PLAGL1: variants seen among roughly 807,000 people sequenced by gnomAD.
PLAGL1 encodes PLAG1 like zinc finger 1.
In PLAGL1, 1 loss-of-function variant was observed where a neutral mutation model predicts 4.6. That is an observed-to-expected ratio of 0.22 (90% confidence interval 0.08 to 1.03). PLAGL1 has a LOEUF of 1.03. PLAGL1 is among the 50% of genes least tolerant of loss of function. PLAGL1 has a pLI of 0.58. For missense variants in PLAGL1, 464 were observed against 570.4 expected, an observed-to-expected ratio of 0.81 and a Z score of 1.90; for synonymous variants, 240 against 237.8, an observed-to-expected ratio of 1.01 and a Z score of -0.08.
At chr6:144,042,739 C>T in intron 1 of PLAGL1, among the ~76,000 whole-genome samples, 1 of 152,156 alleles carries the variant, frequency 6.6e-6, no homozygotes, top group Non-Finnish European at 1.5e-5. Flanking sequence ...ATGCGGATGG[C>T]ATTGAATCTA....
chr6:144,060,313 T>G (rs10457756), intron 1 of PLAGL1, among the ~76,000 whole-genome samples: 46,941 of 152,098 alleles, frequency 0.31, 7,445 homozygotes, highest in Admixed American at 0.42. Context: ...CCTCCCAAAG[T>G]GCTGGGATTA....
chr6:144,018,415 G>T (rs1795719034), intron 1 of PLAGL1, among the ~76,000 whole-genome samples: 1 of 152,146 alleles, frequency 6.6e-6, no homozygotes, highest in Non-Finnish European at 1.5e-5. Flanking sequence ...TTGGTCAAAG[G>T]ACACAAAGTT....
rs1360279355 is a variant in PLAGL1, at chr6:144,016,190, T to C, written c.-150-47212A>G. Among the ~76,000 whole-genome samples, 4 of 152,168 alleles carry C rather than the reference T, an allele frequency of 2.6e-5. No homozygotes were observed. The highest frequency in any genetic ancestry group is 2.0e-4 in the Admixed American group (3 of 15,278). The stretch of plus-strand genomic sequence containing the variant: ...ATGATCACAAGGTCCCACAATAGGC[T>C]GTCTGCAAGCTGAGGAGAAAGGAGA... On this transcript the variant is annotated intron_variant, in intron 1 of 3. Transcript: ENST00000437412. This position sits in a 1 kb window ranked among gnomAD's most constrained non-coding sequence, Gnocchi z 4.2.
At chr6:144,040,767 G>A (rs1243057241) in intron 1 of PLAGL1, among the ~76,000 whole-genome samples, 1 of 152,148 alleles carries the variant, frequency 6.6e-6, no homozygotes, top group Non-Finnish European at 1.5e-5. Flanking sequence ...CAGCTACTTG[G>A]GAGGCTGAGA....
chr6:144,010,426 A>C (rs902597256), upstream of PLAGL1, among the ~76,000 whole-genome samples: 9 of 152,220 alleles, frequency 5.9e-5, no homozygotes, highest in Non-Finnish European at 1.2e-4. This position sits in a 1 kb window ranked among gnomAD's most constrained non-coding sequence, Gnocchi z 4.1. Flanking sequence ...AAGGAGAACT[A>C]CAAACCACTG....
In PLAGL1 at chr6:143,990,464, G is replaced by A. The variant is rs1562511552; in HGVS notation, c.-583-5290C>T. ...GAACAAAACCTTCATTGACCTCCTG[G>A]TCCCACTATACTCCCACCCTTTCTC... On this transcript the variant is annotated intron_variant, in intron 1 of 7. Coordinates refer to ENST00000674357, the MANE Select transcript of PLAGL1 (RefSeq NM_001317162.2). The surrounding 1 kb of genome is among the most constrained non-coding windows in gnomAD (Gnocchi z 5.4). 6.6e-6 allele frequency among the ~76,000 whole-genome samples: 1 copy of A among 152,020 alleles called. No individual in the cohort carries two copies. The highest frequency in any genetic ancestry group is 2.1e-4 in the South Asian group (1 of 4,812).
chr6:143,971,490 C>A lies in PLAGL1; in HGVS notation c.-543-2512G>T, dbSNP rs1332835556. Among the ~76,000 whole-genome samples the A allele has an allele frequency of 6.6e-6, 1 of 152,130 alleles. No homozygotes were observed. Among genetic ancestry groups the A allele is most frequent in the Non-Finnish European group, 1.5e-5 (1 of 68,020 alleles). On this transcript the variant is annotated intron_variant, in intron 2 of 7. Coordinates refer to ENST00000674357, the MANE Select transcript of PLAGL1 (RefSeq NM_001317162.2). This position sits in a 1 kb window ranked among gnomAD's most constrained non-coding sequence, Gnocchi z 4.7. ...ATTATGATTTTAAGATGTTATTTTC[C>A]CAATAAATGTTGACAACAATTTCCC...
At chr6:143,946,851 CGT>C (rs1266781649) in intron 7 of PLAGL1, among the ~76,000 whole-genome samples, 1 of 152,176 alleles carries the variant, frequency 6.6e-6, no homozygotes, top group Admixed American at 6.5e-5. Context: ...AAAAGCAGCA[CGT>C]GTGAGTGGAC....
In PLAGL1 at chr6:143,982,160, T is replaced by C. The variant is rs1788097620; in HGVS notation, c.-544+2975A>G. On this transcript the variant is annotated intron_variant, in intron 2 of 7. Transcript: ENST00000674357. The surrounding 1 kb of genome is among the most constrained non-coding windows in gnomAD (Gnocchi z 5.3). ...AGTAAAATATGTATCAGATGGTGAT[T>C]TTAAAAAAAAAAGTAATGAAGAGAC... 6.6e-6 allele frequency among the ~76,000 whole-genome samples: 1 copy of C among 152,004 alleles called. No homozygotes were observed. Among genetic ancestry groups the C allele is most frequent in the African/African-American group, 2.4e-5 (1 of 41,358 alleles).
At position 143,979,300 on chromosome 6, in the gene PLAGL1, A is replaced by T. The variant is rs1213049369; in HGVS notation, c.-544+5835T>A. 6.6e-6 allele frequency among the ~76,000 whole-genome samples: 1 copy of T among 152,070 alleles called. No individual in the cohort carries two copies. Among genetic ancestry groups the T allele is most frequent in the Non-Finnish European group, 1.5e-5 (1 of 67,956 alleles). On this transcript the variant is annotated intron_variant, in intron 2 of 7. Coordinates refer to ENST00000674357, the MANE Select transcript of PLAGL1 (RefSeq NM_001317162.2). This position sits in a 1 kb window ranked among gnomAD's most constrained non-coding sequence, Gnocchi z 4.6. The stretch of plus-strand genomic sequence containing the variant: ...TCAGACTGGCCAATATGTGTATTAA[A>T]TCTGACATTCTTTGCCTTTTAATTA...
At position 143,959,413 on chromosome 6, in the gene PLAGL1, G is replaced by A. The variant is rs1222200371; in HGVS notation, c.-325+1056C>T. Among the ~76,000 whole-genome samples the A allele has an allele frequency of 6.6e-6, 1 of 152,068 alleles. No homozygotes were observed. Among genetic ancestry groups the A allele is most frequent in the Non-Finnish European group, 1.5e-5 (1 of 68,026 alleles). On this transcript the variant is annotated intron_variant, in intron 6 of 7. Coordinates refer to ENST00000674357, the MANE Select transcript of PLAGL1 (RefSeq NM_001317162.2). The surrounding 1 kb of genome is among the most constrained non-coding windows in gnomAD (Gnocchi z 5.3). The stretch of plus-strand genomic sequence containing the variant: ...AGGCACACTGTAAACAGAAGATACA[G>A]GCAAGACGCTCCCCCACCCCACCCC...
At position 144,059,354 on chromosome 6, in the gene PLAGL1, G is replaced by A. The variant is rs986143514; in HGVS notation, c.-151+5114C>T. On this transcript the variant is annotated intron_variant, in intron 1 of 3. Transcript: ENST00000437412. The surrounding 1 kb of genome is among the most constrained non-coding windows in gnomAD (Gnocchi z 4.9). ...CCTTTAAGCCATTCTTTCCTCCTAGGCCTCTGGGCCTACAATGTGACTCAG... is the reference window on the plus strand; with the variant it reads ...CCTTTAAGCCATTCTTTCCTCCTAGACCTCTGGGCCTACAATGTGACTCAG... Among the ~76,000 whole-genome samples, 2 of 152,194 alleles carry A rather than the reference G, an allele frequency of 1.3e-5. No individual in the cohort carries two copies. The highest frequency in any genetic ancestry group is 4.8e-5 in the African/African-American group (2 of 41,438).
chr6:144,011,613 T>C (rs1031056999), upstream of PLAGL1, among the ~76,000 whole-genome samples: 2 of 152,244 alleles, frequency 1.3e-5, no homozygotes, highest in Non-Finnish European at 2.9e-5. This position sits in a 1 kb window ranked among gnomAD's most constrained non-coding sequence, Gnocchi z 4.3. Flanking sequence ...GTATATTATA[T>C]ATCTGAATAC....
Position 144,061,864 on chromosome 6 carries a change from C to G in PLAGL1, c.-151+2604G>C, listed in dbSNP as rs1291292199. On this transcript the variant is annotated intron_variant, in intron 1 of 3. Coordinates refer to the PLAGL1 transcript ENST00000437412. This position sits in a 1 kb window ranked among gnomAD's most constrained non-coding sequence, Gnocchi z 4.4. ...TGTGCACTTCTCCTCTGTTGTCATTCCAACCTTCTGTAATTAACATGAGAA... is the reference window on the plus strand; with the variant it reads ...TGTGCACTTCTCCTCTGTTGTCATTGCAACCTTCTGTAATTAACATGAGAA... Among the ~76,000 whole-genome samples the G allele has an allele frequency of 6.6e-6, 1 of 152,130 alleles. No homozygotes were observed. The highest frequency in any genetic ancestry group is 2.1e-4 in the South Asian group (1 of 4,830).
chr6:144,062,494 A>AC (rs1799505500), intron 1 of PLAGL1, among the ~76,000 whole-genome samples: 1 of 135,216 alleles, frequency 7.4e-6, no homozygotes, highest in African/African-American at 2.8e-5. Flanking sequence ...AAAAAAAAAA[A>AC]ACACAGATTT....
intron 1 of PLAGL1, among the ~76,000 whole-genome samples, chr6:144,060,280 C>T (rs1464001710): frequency 6.6e-6 from 1 of 152,174 alleles, no homozygotes; most frequent in Non-Finnish European, 1.5e-5. Flanking sequence ...AACTCTTGGG[C>T]TCAAGCAATC....
intron 1 of PLAGL1, among the ~76,000 whole-genome samples, chr6:144,054,117 C>T (rs1390922813): frequency 1.3e-5 from 2 of 151,884 alleles, no homozygotes; most frequent in Non-Finnish European, 2.9e-5. Flanking sequence ...TATAACATAC[C>T]ACATGCATGA....
intron 2 of PLAGL1, among the ~76,000 whole-genome samples, chr6:143,981,429 AACTC>A (rs2128607338): frequency 6.6e-6 from 1 of 152,184 alleles, no homozygotes; most frequent in African/African-American, 2.4e-5. Flanking sequence ...CTGTGTAACT[AACTC>A]TCTCTTCTCT....
chr6:144,054,822 T>A (rs2128727441), intron 1 of PLAGL1, among the ~76,000 whole-genome samples: 1 of 143,352 alleles, frequency 7.0e-6, no homozygotes, highest in Admixed American at 7.0e-5. Context: ...TGTGTGTGTG[T>A]TCATGTGTAA....
Sources: allele counts gnomAD v4.1 joint callset (sites outside exome capture counted in the v4.1 genomes callset), GRCh38; gene constraint gnomAD v4.1.1; non-coding constraint Gnocchi (gnomAD v3.1); transcripts MANE v1.5; gene names NCBI Gene and HGNC (gene_info 2026-07-23, HGNC 2026-07-21).